Variants in USP53 observed in about 807,000 individuals in gnomAD.
The protein encoded by USP53 is ubiquitin carboxyl-terminal hydrolase 53.
A neutral mutation model predicts 94.9 loss-of-function variants in USP53; 71 were observed. The observed-to-expected ratio is 0.75, with a 90% CI of 0.62 to 0.91. The LOEUF (loss-of-function observed/expected upper bound fraction) is 0.91. Among genes scored for constraint, USP53 ranks in the 40% least tolerant of loss-of-function variants. The probability of loss-of-function intolerance (pLI) is 0.00; values close to 1 mark genes in which losing one functional copy is unlikely to be tolerated. For missense variants in USP53, 1,173 were observed against 1,281.0 expected, an observed-to-expected ratio of 0.92 and a Z score of 1.29; for synonymous variants, 375 against 422.7, an observed-to-expected ratio of 0.89 and a Z score of 1.39.
At chr4:119,247,206 C>T (rs1748366798) in intron 6 of USP53, among the ~76,000 whole-genome samples, 1 of 152,122 alleles carries the variant, frequency 6.6e-6, no homozygotes, top group Non-Finnish European at 1.5e-5. Context: ...TGTAGCCCTG[C>T]ACAGTCACCT....
intron 18 of USP53, 104 bp downstream of exon 18, chr4:119,291,365 T>G: frequency 1.6e-6 from 1 of 636,528 alleles, no homozygotes; most frequent in Non-Finnish European, 2.6e-6. Context: ...TCTATAGTAT[T>G]GAGATGCCTT....
At chr4:119,228,268 G>T (rs1745585329) in intron 3 of USP53, among the ~76,000 whole-genome samples, 1 of 152,078 alleles carries the variant, frequency 6.6e-6, no homozygotes, top group South Asian at 2.1e-4. Context: ...TAGGAGCGAG[G>T]TTCCTGTTTC....
In USP53 at chr4:119,230,951, GA is replaced by G. The variant is rs370495793; in HGVS notation, c.-664-4336del. Among the ~76,000 whole-genome samples, 29 of 152,304 alleles carry G rather than the reference GA, an allele frequency of 1.9e-4. No homozygotes were observed. The East Asian group carries it at 4.6e-3, about 24-fold the overall frequency. ...CATGTTCCATGAAGTCACTGTGACT[GA>G]AAGGTGGTCACTGTGGCATATCTGC... On this transcript the variant is annotated intron_variant, in intron 3 of 18. Coordinates refer to ENST00000692078, the MANE Select transcript of USP53 (RefSeq NM_001371395.1).
intron 1 of USP53, chr4:119,213,367 G>A (rs572276566): frequency 6.6e-6 from 1 of 152,332 alleles, no homozygotes; most frequent in East Asian, 1.9e-4. Flanking sequence ...GATTCTTGGG[G>A]TGGTGGTTTC....
chr4:119,265,543 T>G (rs1751011935), intron 12 of USP53, among the ~76,000 whole-genome samples: 1 of 152,102 alleles, frequency 6.6e-6, no homozygotes, highest in African/African-American at 2.4e-5. Flanking sequence ...TGGTGGCACA[T>G]GCCTGTAATC....
chr4:119,269,831 C>T lies in USP53; in HGVS notation c.1429C>T (p.His477Tyr), dbSNP rs774273367. 7.5e-6 allele frequency: 11 copies of T among 1,459,386 alleles called. No homozygotes were observed. In the South Asian group the frequency reaches 1.8e-4, roughly 24 times the overall value. The allele number at this position is 1,459,386 out of a possible 1,614,324, so 90.4% of individuals were successfully genotyped here. A position where few individuals can be genotyped will look rare whatever the true frequency, so the allele number is the denominator to read the frequency against. ...GGGACAAAGAAAAGATTTAGGACGA[C>T]ATAGAGGTAAGTTAAGATCTTGTAC... The part of the protein sequence containing the change: ...EKGQRKDLGR[H>Y]RDLVDEDLSH... The change falls in exon 15 of 19, where the codon CAT (histidine) becomes TAT (tyrosine). Residue 477 changes from histidine to tyrosine, a missense_variant. Transcript: ENST00000692078.
intron 5 of USP53, among the ~76,000 whole-genome samples, chr4:119,241,955 T>A (rs1747607899): frequency 6.6e-6 from 1 of 152,184 alleles, no homozygotes; most frequent in Admixed American, 6.5e-5. Flanking sequence ...TACTCCATTT[T>A]CAAGTTCATT....
At position 119,239,821 on chromosome 4, in the gene USP53, G is replaced by C. The variant is rs1240266690; in HGVS notation, c.62G>C (p.Gly21Ala). The C allele has an allele frequency of 1.2e-6, 2 of 1,612,836 alleles. No homozygotes were observed. The highest frequency in any genetic ancestry group is 1.7e-5 in the Admixed American group (1 of 59,772). ...AATCTTGGAAAAGTTTATCAGCCTGGAAGTATGCTATCACTAGCCCCTACC... is the reference window on the plus strand; with the variant it reads ...AATCTTGGAAAAGTTTATCAGCCTGCAAGTATGCTATCACTAGCCCCTACC... ...GGNLGKVYQP[G>A]SMLSLAPTKG... Residue 21 changes from glycine (G) to alanine (A), a missense_variant, in exon 5 of 19, where the codon GGA (glycine) becomes GCA (alanine). Transcript: ENST00000692078.
At chr4:119,288,215 C>G (rs1466471198) in intron 17 of USP53, among the ~76,000 whole-genome samples, 1 of 152,120 alleles carries the variant, frequency 6.6e-6, no homozygotes, top group Non-Finnish European at 1.5e-5. Context: ...AAGAAATAAA[C>G]CCAGTACATG....
chr4:119,264,591 A>G (rs1402982542), intron 12 of USP53, among the ~76,000 whole-genome samples: 3 of 152,230 alleles, frequency 2.0e-5, no homozygotes, highest in African/African-American at 4.8e-5. Context: ...TATTCAGTAC[A>G]TCATTAGCCA....
intron 9 of USP53, among the ~76,000 whole-genome samples, chr4:119,257,310 G>A (rs1031137760): frequency 5.3e-5 from 8 of 152,034 alleles, no homozygotes; most frequent in Non-Finnish European, 7.4e-5. Context: ...GTGTGGTGGC[G>A]GGCACCTGTA....
At chr4:119,253,554 T>G (rs1342844594) in intron 7 of USP53, among the ~76,000 whole-genome samples, 1 of 152,194 alleles carries the variant, frequency 6.6e-6, no homozygotes, top group Non-Finnish European at 1.5e-5. Context: ...GCTTTTTTTT[T>G]GCTTTCCATT....
At chr4:119,273,368 G>T in intron 16 of USP53, 1 of 253,728 alleles carries the variant, frequency 3.9e-6, no homozygotes, top group Non-Finnish European at 7.5e-6. Flanking sequence ...TCTTGGAATG[G>T]AGTAGCCTAG....
At position 119,271,488 on chromosome 4, in the gene USP53, G is replaced by C; in HGVS notation, c.1628G>C (p.Gly543Ala). 6.2e-7 allele frequency: 1 copy of C among 1,613,436 alleles called. No individual in the cohort carries two copies. Residue 543 changes from glycine to alanine, a missense_variant, in exon 16 of 19, where the codon GGA becomes GCA. Coordinates refer to ENST00000692078, the MANE Select transcript of USP53 (RefSeq NM_001371395.1). Reference protein sequence around the residue: ...SSSKSQILAPGEKITGKVKSD... With the variant: ...SSSKSQILAPAEKITGKVKSD... ...AGTAAATCCCAGATTCTTGCTCCAG[G>C]AGAGAAAATAACTGGCAAAGTTAAG...
intron 9 of USP53, among the ~76,000 whole-genome samples, chr4:119,258,267 C>T (rs1366411407): frequency 6.6e-6 from 1 of 152,106 alleles, no homozygotes; most frequent in Non-Finnish European, 1.5e-5. Context: ...GCAGTATATG[C>T]AATTTGAATG....
chr4:119,239,655 C>T lies in USP53; in HGVS notation c.-105C>T. ...TGGAAACTTACATTATTAAAATAGA[C>T]TGCAGTGGATTTAATTGGACAATTC... is the stretch of plus-strand genomic sequence containing the variant. On this transcript the variant is annotated 5_prime_UTR_variant, in exon 5 of 19. Coordinates refer to ENST00000692078, the MANE Select transcript of USP53 (RefSeq NM_001371395.1). 1 of 1,283,606 alleles carries T rather than the reference C, an allele frequency of 7.8e-7. No individual in the cohort carries two copies. The highest frequency in any genetic ancestry group is 1.1e-6 in the Non-Finnish European group (1 of 946,512). 79.5% of individuals were successfully genotyped at this position (1,283,606 alleles called of 1,614,324 possible).
Position 119,273,632 on chromosome 4 carries a change from T to C in USP53, c.2175T>C (p.Ser725=). 1 of 1,612,382 alleles carries C rather than the reference T, an allele frequency of 6.2e-7. No homozygotes were observed. The change falls in exon 17 of 19, where the codon AGT becomes AGC. Residue 725 remains serine, a splice_region_variant and synonymous_variant. Transcript: ENST00000692078. ...ISGVKETVCF[S]DQITTSNLNK... is the part of the protein sequence containing the mutation. ...GTTTAGTGTGTATTTTATTTTCTAGTGACCAGATTACGACAAGCAACCTAA... is the reference window on the plus strand; with the variant it reads ...GTTTAGTGTGTATTTTATTTTCTAGCGACCAGATTACGACAAGCAACCTAA...
At chr4:119,222,257 C>G (rs555295358) in intron 3 of USP53, among the ~76,000 whole-genome samples, 4 of 152,142 alleles carry the variant, frequency 2.6e-5, no homozygotes, top group African/African-American at 4.8e-5. Flanking sequence ...ATGATCAAAT[C>G]AGGGTTGTTG....
intron 7 of USP53, among the ~76,000 whole-genome samples, chr4:119,251,607 C>T (rs1041022659): frequency 1.4e-5 from 2 of 142,632 alleles, no homozygotes; most frequent in Admixed American, 1.4e-4. Context: ...TCTAAATATA[C>T]AATCATGTCA....
Sources: gnomAD v4.1 joint callset for allele counts (sites outside exome capture counted in the v4.1 genomes callset) on GRCh38, gnomAD v4.1.1 for gene constraint, MANE v1.5 for transcripts, NCBI Gene and HGNC (gene_info 2026-07-23, HGNC 2026-07-21) for gene names.